Variants in RHBDF1 observed in about 807,000 individuals in gnomAD.
RHBDF1 encodes inactive rhomboid protein 1.
In RHBDF1, 80 loss-of-function variants were observed where a neutral mutation model predicts 98.6. That is an observed-to-expected ratio of 0.81 (90% CI 0.68 to 0.98). RHBDF1 has a LOEUF of 0.98. Among genes scored for constraint, RHBDF1 ranks in the 50% least tolerant of loss-of-function variants. The pLI is 0.00. For missense variants in RHBDF1, 1,116 were observed against 1,198.3 expected, an observed-to-expected ratio of 0.93 and a Z score of 1.01; for synonymous variants, 512 against 486.8, an observed-to-expected ratio of 1.05 and a Z score of -0.68.
rs1211817885 is a variant in RHBDF1, at chr16:58,785, A to T, written c.2149-26T>A. The T allele has an allele frequency of 2.5e-6, 4 of 1,606,612 alleles. No homozygotes were observed. The South Asian group carries it at 3.3e-5, about 13-fold the overall frequency. On this transcript the variant is annotated intron_variant, in intron 17 of 17. Transcript: ENST00000262316. The stretch of plus-strand genomic sequence containing the variant: ...CTGGGGGATGGTTGGGGTAGCTGTA[A>T]GGCAGTGGGGCTGGGCAGGCCCCCT...
In RHBDF1 at chr16:59,001, A is replaced by G; in HGVS notation, c.2121T>C (p.Ser707=). 1 of 1,613,094 alleles carries G rather than the reference A, an allele frequency of 6.2e-7. No individual in the cohort carries two copies. The highest frequency in any genetic ancestry group is 8.5e-7 in the Non-Finnish European group (1 of 1,179,990). Residue 707 remains serine (S), a synonymous_variant, in exon 17 of 18, where the codon AGT becomes AGC. Transcript: ENST00000262316. ...CTGCTCGGTATGGCAGGAAGATGGC[A>G]CTGGCCAGGTTGCCGGTGACACCAC... is the stretch of plus-strand genomic sequence containing the variant. The part of the protein sequence containing the change: ...LLSGVTGNLA[S]AIFLPYRAEV...
upstream of RHBDF1, among the ~76,000 whole-genome samples, chr16:76,028 A>G (rs1046769663): frequency 6.6e-6 from 1 of 152,162 alleles, no homozygotes; most frequent in African/African-American, 2.4e-5. Context: ...CACCTCCTAC[A>G]GCTGGAGGCA....
intron 13 of RHBDF1, 83 bp from the exon 14 acceptor site, chr16:59,909 T>C (rs1897544795): frequency 6.3e-7 from 1 of 1,597,568 alleles, no homozygotes; most frequent in African/African-American, 1.3e-5. Flanking sequence ...GAGGCAAAGA[T>C]GGGTGGGCTC....
At chr16:71,689 T>C (rs1039973300) in intron 1 of RHBDF1, among the ~76,000 whole-genome samples, 3 of 151,524 alleles carry the variant, frequency 2.0e-5, no homozygotes, top group African/African-American at 7.3e-5. Context: ...CAGAAGAAAC[T>C]CTGGTCAGGA....
chr16:59,203 T>C (rs755592982), intron 16 of RHBDF1, 46 bp downstream of exon 16: 7 of 1,594,034 alleles, frequency 4.4e-6, no homozygotes, highest in Non-Finnish European at 6.0e-6. Context: ...AGCCAGCCAA[T>C]CCTGAGGGCC....
Position 63,079 on chromosome 16 carries a change from A to G in RHBDF1, c.566T>C (p.Leu189Pro). Residue 189 changes from leucine (L) to proline (P), a missense_variant, in exon 5 of 18, where the codon CTC becomes CCC. Physicochemically the swap from Leu to Pro is moderately conservative, Grantham distance 98 (BLOSUM62 -3). Coordinates refer to ENST00000262316, the MANE Select transcript of RHBDF1 (RefSeq NM_022450.5). ...TGAGCGGGAGCTGGAGAAGGAGCAG[A>G]GGGAGGCAGCACCCGGCGTGACGGG... ...HTPVTPGAAS[L>P]CSFSSSRSGF... The G allele has an allele frequency of 6.2e-7, 1 of 1,612,368 alleles. No individual in the cohort carries two copies. The highest frequency in any genetic ancestry group is 8.5e-7 in the Non-Finnish European group (1 of 1,179,604).
At chr16:62,356 T>G in intron 7 of RHBDF1, 182 bp downstream of exon 7, 1 of 846,474 alleles carries the variant, frequency 1.2e-6, no homozygotes. Flanking sequence ...AGGCAAGCCA[T>G]GAGACTGGGG....
chr16:63,088 G>A lies in RHBDF1; in HGVS notation c.557C>T (p.Ala186Val). 1 of 1,611,408 alleles carries A rather than the reference G, an allele frequency of 6.2e-7. No individual in the cohort carries two copies. Among genetic ancestry groups the A allele is most frequent in the Non-Finnish European group, 8.5e-7 (1 of 1,179,222 alleles). The change falls in exon 5 of 18, where the codon GCT becomes GTT. Residue 186 changes from alanine to valine, a missense_variant. Transcript: ENST00000262316. ...SAPHTPVTPG[A>V]ASLCSFSSSR... ...GCTGGAGAAGGAGCAGAGGGAGGCA[G>A]CACCCGGCGTGACGGGAGTGTGTGG...
At chr16:72,200 G>A (rs1037297627) in intron 1 of RHBDF1, among the ~76,000 whole-genome samples, 4 of 152,240 alleles carry the variant, frequency 2.6e-5, no homozygotes, top group African/African-American at 9.6e-5. Context: ...GGGGGCTGGA[G>A]CCGAGCTGTC....
At chr16:72,340 C>A (rs1291200312) in intron 1 of RHBDF1, among the ~76,000 whole-genome samples, 173 bp downstream of exon 1, 1 of 151,854 alleles carries the variant, frequency 6.6e-6, no homozygotes, top group African/African-American at 2.4e-5. Flanking sequence ...AGCCCGGCCG[C>A]CCCGGGGGGG....
Position 63,919 on chromosome 16 carries a change from G to T in RHBDF1, c.249-119C>A, listed in dbSNP as rs1271710075. On this transcript the variant is annotated intron_variant, in intron 3 of 17. Coordinates refer to ENST00000262316, the MANE Select transcript of RHBDF1 (RefSeq NM_022450.5). The stretch of plus-strand genomic sequence containing the variant: ...AGGCCTGTAGTCACTCCAGGGACCA[G>T]GGTCTGAGTGGGCAAGGTCTAATAA... The T allele has an allele frequency of 3.4e-6, 3 of 872,568 alleles. No individual in the cohort carries two copies. The Admixed American group carries it at 6.0e-5, about 17-fold the overall frequency. 54.1% of individuals were successfully genotyped at this position (872,568 alleles called of 1,614,324 possible).
chr16:71,935 G>A (rs1052039568), intron 1 of RHBDF1, among the ~76,000 whole-genome samples: 3 of 152,356 alleles, frequency 2.0e-5, no homozygotes, highest in Middle Eastern at 3.4e-3. Flanking sequence ...GAGCTTCGAA[G>A]TGTACAGATG....
intron 1 of RHBDF1, among the ~76,000 whole-genome samples, chr16:68,845 C>T (rs867695447): frequency 1.3e-5 from 2 of 152,312 alleles, no homozygotes; most frequent in South Asian, 4.1e-4. Context: ...GGGCACCCAT[C>T]AAGCTGGCCG....
chr16:60,980 G>A, intron 11 of RHBDF1, 140 bp downstream of exon 11: 1 of 880,406 alleles, frequency 1.1e-6, no homozygotes, highest in Non-Finnish European at 1.7e-6. Context: ...GAGGAGGAAT[G>A]AATATGACAA....
chr16:64,773 G>A lies in RHBDF1; in HGVS notation c.174C>T (p.His58=), dbSNP rs1897779730. 1 of 1,614,126 alleles carries A rather than the reference G, an allele frequency of 6.2e-7. No individual in the cohort carries two copies. ...GGAGCTCATGGTGGGGTGAAGAGAT[G>A]TGGGCTGTCTCGGCTGGCATACTCA... ...RSVSMPAETA[H]ISSPHHELRR... The change falls in exon 3 of 18, where the codon CAC becomes CAT. Residue 58 remains histidine, a synonymous_variant. Transcript: ENST00000262316.
intron 7 of RHBDF1, 131 bp from the exon 8 acceptor site, chr16:62,183 C>T: frequency 6.1e-6 from 8 of 1,303,012 alleles, no homozygotes; most frequent in Non-Finnish European, 8.1e-6. Context: ...TCTGCCTTCT[C>T]CTTGCCAGTA....
At chr16:67,857 G>A (rs1462203184) in intron 1 of RHBDF1, among the ~76,000 whole-genome samples, 2 of 152,198 alleles carry the variant, frequency 1.3e-5, no homozygotes, top group African/African-American at 2.4e-5. Flanking sequence ...TCTCAGCTGG[G>A]TCTGGGAAGA....
At chr16:70,819 C>T (rs868729842) in intron 1 of RHBDF1, among the ~76,000 whole-genome samples, 2 of 152,202 alleles carry the variant, frequency 1.3e-5, no homozygotes, top group Non-Finnish European at 2.9e-5. Flanking sequence ...TGGCTGTGGA[C>T]GGCTGTCAGA....
rs1322761643 is a variant in RHBDF1 at position 72,536 on chromosome 16, G to T, written c.-48C>A. On this transcript the variant is annotated 5_prime_UTR_variant, in exon 1 of 18. Transcript: ENST00000262316. ...ACTGCCGCCGCCGGGGGCTCTGGGG[G>T]GTCCTGAGGGCGCCGGGGAGGAGGC... 1.3e-5 allele frequency: 12 copies of T among 932,302 alleles called. No homozygotes were observed. In the African/African-American group the frequency reaches 2.7e-4, roughly 21 times the overall value. 57.8% of individuals were successfully genotyped at this position (932,302 alleles called of 1,614,324 possible).
Sources: gnomAD v4.1 joint callset for allele counts (sites outside exome capture counted in the v4.1 genomes callset) on GRCh38, gnomAD v4.1.1 for gene constraint, MANE v1.5 for transcripts, NCBI Gene and HGNC (gene_info 2026-07-23, HGNC 2026-07-21) for gene names.